The following KIDINS220 variants were observed in gnomAD, a reference collection of about 807,000 sequenced individuals.
The protein encoded by KIDINS220 is kinase D interacting substrate 220, also known as kinase D-interacting substrate of 220 kDa.
A neutral mutation model predicts 157.6 loss-of-function variants in KIDINS220; 63 were observed. That is an observed-to-expected ratio of 0.40 (90% CI 0.33 to 0.49). KIDINS220 has a LOEUF of 0.49. KIDINS220 is among the 20% of genes least tolerant of loss of function. The pLI is 0.66. For missense variants in KIDINS220, 1,772 were observed against 2,171.2 expected (o/e 0.82, Z 3.65); for synonymous variants, 732 against 783.6 (o/e 0.93, Z 1.10).
At chr2:8,828,367 C>T (rs542039520) in intron 1 of KIDINS220, among the ~76,000 whole-genome samples, 27 of 152,342 alleles carry the variant, frequency 1.8e-4, no homozygotes, top group African/African-American at 6.5e-4. Flanking sequence ...TGTCACCCTG[C>T]ACTCTCAACC....
chr2:8,746,276 T>C (rs1436985691), intron 26 of KIDINS220, among the ~76,000 whole-genome samples: 3 of 151,650 alleles, frequency 2.0e-5, no homozygotes, highest in Non-Finnish European at 4.4e-5. Flanking sequence ...CTAATTCTCG[T>C]ATTTTCTTTA....
intron 17 of KIDINS220, among the ~76,000 whole-genome samples, chr2:8,780,801 G>A (rs988361470): frequency 6.6e-6 from 1 of 151,148 alleles, no homozygotes; most frequent in Admixed American, 6.6e-5. Context: ...TGCTAAGAAA[G>A]GTGAGAAAAT....
At position 8,731,798 on chromosome 2, in the gene KIDINS220, T is replaced by C. The variant is rs1438912642; in HGVS notation, c.4238A>G (p.His1413Arg). The part of the protein sequence containing the change: ...STTISGRSSP[H>R]STYYMGQSSS... ...ACTCTGACCCATGTAATATGTGCTATGTGGAGAAGATCTGCCACTAATGGT... is the reference window on the plus strand; with the variant it reads ...ACTCTGACCCATGTAATATGTGCTACGTGGAGAAGATCTGCCACTAATGGT... The change falls in exon 30 of 30, where the codon CAT becomes CGT. Residue 1413 changes from histidine to arginine, a missense_variant. His to Arg is a conservative substitution (Grantham distance 29, BLOSUM62 0). Coordinates refer to ENST00000256707, the MANE Select transcript of KIDINS220 (RefSeq NM_020738.4). This position sits in a 1 kb window ranked among gnomAD's most constrained non-coding sequence, Gnocchi z 5.2. 4 of 1,614,060 alleles carry C rather than the reference T, an allele frequency of 2.5e-6. No homozygotes were observed. The highest frequency in any genetic ancestry group is 4.5e-5 in the East Asian group (2 of 44,898).
chr2:8,810,003 T>A (rs1676056296), intron 6 of KIDINS220, among the ~76,000 whole-genome samples: 1 of 152,050 alleles, frequency 6.6e-6, no homozygotes, highest in Admixed American at 6.6e-5. Context: ...TCCTCACCAC[T>A]GAGGGTGCAC....
intron 26 of KIDINS220, among the ~76,000 whole-genome samples, chr2:8,742,931 A>G (rs1359402756): frequency 6.6e-6 from 1 of 152,234 alleles, no homozygotes; most frequent in Non-Finnish European, 1.5e-5. Flanking sequence ...TCAATGAAAC[A>G]CAGTTACCAC....
chr2:8,774,681 A>G (rs1670724609), intron 21 of KIDINS220, among the ~76,000 whole-genome samples: 1 of 152,232 alleles, frequency 6.6e-6, no homozygotes, highest in Non-Finnish European at 1.5e-5. Flanking sequence ...AAGGAACAGC[A>G]AAGAAGTCAG....
At chr2:8,801,398 GCAGA>G (rs1674669933) in intron 8 of KIDINS220, among the ~76,000 whole-genome samples, 1 of 152,096 alleles carries the variant, frequency 6.6e-6, no homozygotes, top group African/African-American at 2.4e-5. Context: ...TAAACCAAAG[GCAGA>G]CAAATTTTAG....
chr2:8,735,818 G>A (rs1203465346), intron 27 of KIDINS220, among the ~76,000 whole-genome samples: 1 of 152,244 alleles, frequency 6.6e-6, no homozygotes, highest in Non-Finnish European at 1.5e-5. Context: ...AAGCACGGAG[G>A]AGGCCAGCGG....
Position 8,750,201 on chromosome 2 carries a change from C to T in KIDINS220, c.3325G>A (p.Gly1109Arg). The change falls in exon 24 of 30, where the codon GGG (glycine) becomes AGG (arginine). Residue 1109 changes from glycine (G) to arginine (R), a missense_variant. Gly to Arg is a moderately radical substitution (Grantham distance 125). Coordinates refer to ENST00000256707, the MANE Select transcript of KIDINS220 (RefSeq NM_020738.4). ...GACACCACTCCACCTGCGAAGGGCCCATTGAAGGACGTGGAAGAGCACACG... is the reference window on the plus strand; with the variant it reads ...GACACCACTCCACCTGCGAAGGGCCTATTGAAGGACGTGGAAGAGCACACG... ...PSVCSSTSFN[G>R]PFAGGVVSPQ... 6.2e-7 allele frequency: 1 copy of T among 1,614,186 alleles called. No homozygotes were observed. Among genetic ancestry groups the T allele is most frequent in the Middle Eastern group, 1.6e-4 (1 of 6,062 alleles).
chr2:8,763,520 T>G (rs1469082914), intron 22 of KIDINS220, among the ~76,000 whole-genome samples: 1 of 152,232 alleles, frequency 6.6e-6, no homozygotes, highest in Non-Finnish European at 1.5e-5. Context: ...GGTAAAGTGC[T>G]TAATCCAATG....
intron 4 of KIDINS220, among the ~76,000 whole-genome samples, chr2:8,815,148 G>A (rs1209283034): frequency 6.6e-6 from 1 of 151,986 alleles, no homozygotes; most frequent in Non-Finnish European, 1.5e-5. Context: ...TGCCTGTAAT[G>A]CCAGCACTTT....
intron 17 of KIDINS220, 29 bp downstream of exon 17, chr2:8,785,712 A>T: frequency 6.3e-7 from 1 of 1,577,728 alleles, no homozygotes; most frequent in Non-Finnish European, 8.6e-7. Flanking sequence ...TCGCATTACA[A>T]TTTTTTCTAA....
Position 8,731,238 on chromosome 2 carries a change from G to T in KIDINS220, c.4798C>A (p.His1600Asn). Reference protein sequence around the residue: ...SSESSPNHSLHNEVADDSQLE... With the variant: ...SSESSPNHSLNNEVADDSQLE... ...TGGGAGTCATCCGCCACTTCATTGT[G>T]CAGAGAGTGATTGGGAGAACTTTCA... Residue 1600 changes from histidine to asparagine, a missense_variant, in exon 30 of 30, where the codon CAC becomes AAC. Physicochemically the swap from His to Asn is moderately conservative, Grantham distance 68 (BLOSUM62 1). Coordinates refer to ENST00000256707, the MANE Select transcript of KIDINS220 (RefSeq NM_020738.4). The surrounding 1 kb of genome is among the most constrained non-coding windows in gnomAD (Gnocchi z 5.2). 6.2e-7 allele frequency: 1 copy of T among 1,614,098 alleles called. No homozygotes were observed. Among genetic ancestry groups the T allele is most frequent in the Non-Finnish European group, 8.5e-7 (1 of 1,180,022 alleles).
chr2:8,794,012 G>C (rs774582727), intron 11 of KIDINS220, 25 bp from the exon 12 acceptor site: 2 of 1,556,230 alleles, frequency 1.3e-6, no homozygotes, highest in Non-Finnish European at 1.7e-6. Flanking sequence ...TACGAAACTT[G>C]AACTTTCTTA....
intron 26 of KIDINS220, chr2:8,737,232 G>A (rs1213258887): frequency 5.5e-6 from 2 of 362,064 alleles, no homozygotes; most frequent in Non-Finnish European, 1.0e-5. Context: ...TTTTTTCTAA[G>A]AAAACAGAAC....
rs1558298928 is a variant in KIDINS220 at position 8,730,905 on chromosome 2, C to G, written c.5131G>C (p.Val1711Leu). ...EMEGIRETSQ[V>L]ILRPSSSPNP... ...GGACTGGAACTAGGCCTCAAAATGA[C>G]TTGAGAAGTCTCCCTAATTCCCTCC... is the stretch of plus-strand genomic sequence containing the variant. The change falls in exon 30 of 30, where the codon GTC becomes CTC. Residue 1711 changes from valine (V) to leucine (L), a missense_variant. Physicochemically the swap from Val to Leu is conservative, Grantham distance 32. Coordinates refer to ENST00000256707, the MANE Select transcript of KIDINS220 (RefSeq NM_020738.4). 1 of 1,614,066 alleles carries G rather than the reference C, an allele frequency of 6.2e-7. No homozygotes were observed. Among genetic ancestry groups the G allele is most frequent in the East Asian group, 2.2e-5 (1 of 44,894 alleles).
intron 22 of KIDINS220, among the ~76,000 whole-genome samples, chr2:8,768,457 A>G (rs1271564905): frequency 6.6e-6 from 1 of 152,172 alleles, no homozygotes; most frequent in Non-Finnish European, 1.5e-5. Flanking sequence ...AAGTTGAACA[A>G]TTTAGAAAAT....
intron 10 of KIDINS220, among the ~76,000 whole-genome samples, chr2:8,797,787 G>T (rs1674171794): frequency 6.6e-6 from 1 of 152,138 alleles, no homozygotes; most frequent in South Asian, 2.1e-4. Flanking sequence ...CTAGTCTGGG[G>T]AACCAACCAC....
intron 22 of KIDINS220, among the ~76,000 whole-genome samples, chr2:8,754,879 TA>T (rs1430879664): frequency 1.3e-5 from 2 of 152,210 alleles, no homozygotes; most frequent in African/African-American, 4.8e-5. Context: ...AGTAGGATGT[TA>T]AAAAATAAGA....
Sources: gnomAD v4.1 joint callset for allele counts (sites outside exome capture counted in the v4.1 genomes callset) on GRCh38, gnomAD v4.1.1 for gene constraint, Gnocchi (gnomAD v3.1) non-coding constraint, MANE v1.5 for transcripts, NCBI Gene and HGNC (gene_info 2026-07-23, HGNC 2026-07-21) for gene names.